Variants in FHIT observed in about 807,000 individuals in gnomAD.
The protein encoded by FHIT is bis(5'-adenosyl)-triphosphatase.
In FHIT, 19 loss-of-function variants were observed where a neutral mutation model predicts 17.9. The observed-to-expected ratio is 1.06, with a 90% CI of 0.74 to 1.56. The LOEUF (loss-of-function observed/expected upper bound fraction) is 1.56, where lower values mean the gene tolerates loss of function less well. Ranked by LOEUF, FHIT falls within the 40% of genes most tolerant of loss-of-function variation. The probability of loss-of-function intolerance (pLI) is 0.00; values close to 1 mark genes in which losing one functional copy is unlikely to be tolerated. For synonymous variants in FHIT, 81 were observed against 69.7 expected (o/e 1.16, Z -0.81); for missense variants, 248 against 189.2 (o/e 1.31, Z -1.82).
At chr3:60,860,567 G>A (rs1703704537) in intron 3 of FHIT, among the ~76,000 whole-genome samples, 1 of 67,920 alleles carries the variant, frequency 1.5e-5, no homozygotes, top group African/African-American at 6.1e-5. Flanking sequence ...CATATATCAG[G>A]TATATATGAT....
At chr3:60,465,708 GGATTT>G (rs2032750082) in intron 5 of FHIT, among the ~76,000 whole-genome samples, 1 of 152,000 alleles carries the variant, frequency 6.6e-6, no homozygotes, top group Non-Finnish European at 1.5e-5. Context: ...GTAGATGTAT[GGATTT>G]ATTTCTGGGT....
intron 5 of FHIT, among the ~76,000 whole-genome samples, chr3:60,140,576 T>A (rs887086152): frequency 8.9e-5 from 2 of 22,540 alleles, no homozygotes; most frequent in Non-Finnish European, 1.4e-4. Context: ...ACAGACTCTA[T>A]TTTTTTTTTT....
At chr3:60,773,817 G>A (rs1206948175) in intron 4 of FHIT, among the ~76,000 whole-genome samples, 1 of 152,230 alleles carries the variant, frequency 6.6e-6, no homozygotes, top group Non-Finnish European at 1.5e-5. Context: ...TTTAATTCAT[G>A]CCAAACAATA....
intron 3 of FHIT, among the ~76,000 whole-genome samples, chr3:60,874,155 C>G (rs80203927): frequency 6.6e-6 from 1 of 152,018 alleles, no homozygotes. Context: ...CTAGACAAGG[C>G]TAATGGTAAT....
chr3:59,799,037 C>G (rs949036849), intron 8 of FHIT, among the ~76,000 whole-genome samples: 1 of 152,214 alleles, frequency 6.6e-6, no homozygotes, highest in East Asian at 1.9e-4. Flanking sequence ...AGGGAAGCTG[C>G]ACTTCTCCAC....
intron 5 of FHIT, among the ~76,000 whole-genome samples, chr3:60,336,854 T>C (rs1710264255): frequency 6.6e-6 from 1 of 150,882 alleles, no homozygotes; most frequent in Non-Finnish European, 1.5e-5. Flanking sequence ...ACTAAGACTA[T>C]TTAAAAAAAC....
At chr3:60,155,556 G>C (rs182407821) in intron 5 of FHIT, among the ~76,000 whole-genome samples, 95 of 152,252 alleles carry the variant, frequency 6.2e-4, no homozygotes, top group African/African-American at 2.0e-3. Context: ...GGCCTGGTTG[G>C]GTGGTCAATT....
At chr3:60,300,323 A>G (rs1446324296) in intron 5 of FHIT, among the ~76,000 whole-genome samples, 2 of 152,000 alleles carry the variant, frequency 1.3e-5, no homozygotes, top group African/African-American at 4.8e-5. Context: ...AAGAGAAATT[A>G]AGACCAAAAA....
chr3:60,843,027 A>T (rs1702793643), intron 3 of FHIT, among the ~76,000 whole-genome samples: 1 of 152,172 alleles, frequency 6.6e-6, no homozygotes, highest in Non-Finnish European at 1.5e-5. Context: ...ATTTATTTGC[A>T]TCTGAGTGTC....
At chr3:60,053,905 G>A (rs778325131) in intron 5 of FHIT, among the ~76,000 whole-genome samples, 2 of 152,098 alleles carry the variant, frequency 1.3e-5, no homozygotes, top group African/African-American at 4.8e-5. Context: ...AGACATATGC[G>A]AATTCTTTCA....
chr3:60,677,571 A>C (rs183288038), intron 4 of FHIT, among the ~76,000 whole-genome samples: 1 of 152,256 alleles, frequency 6.6e-6, no homozygotes, highest in Admixed American at 6.5e-5. Context: ...CTGTATGTAT[A>C]TATGTGTATA....
At chr3:59,974,558 A>C (rs533449334) in intron 7 of FHIT, among the ~76,000 whole-genome samples, 1 of 152,276 alleles carries the variant, frequency 6.6e-6, no homozygotes, top group African/African-American at 2.4e-5. Context: ...CTTGTGCTTA[A>C]TACTGTGACA....
chr3:61,234,933 C>G (rs1560100830), intron 1 of FHIT, among the ~76,000 whole-genome samples: 1 of 152,250 alleles, frequency 6.6e-6, no homozygotes, highest in Middle Eastern at 3.4e-3. Flanking sequence ...TGTATAAATG[C>G]AGTACATTTT....
At chr3:61,205,704 G>C (rs548601231) in intron 1 of FHIT, among the ~76,000 whole-genome samples, 4 of 152,192 alleles carry the variant, frequency 2.6e-5, no homozygotes, top group African/African-American at 9.7e-5. Context: ...GTTCATTGTA[G>C]ATTCGGGATA....
At position 60,436,127 on chromosome 3, in the gene FHIT, A is replaced by G. The variant is rs544765736; in HGVS notation, c.103+100733T>C. Among the ~76,000 whole-genome samples, 4 of 152,118 alleles carry G rather than the reference A, an allele frequency of 2.6e-5. 1 individual carries two copies. The South Asian group carries it at 8.3e-4, about 32-fold the overall frequency. On this transcript the variant is annotated intron_variant, in intron 5 of 9. Transcript: ENST00000492590. ...GCACGATCTTGGCTCAGCTCACTGC[A>G]ACCTCTGCCTCCTGGGCTCAAGCAA...
intron 3 of FHIT, among the ~76,000 whole-genome samples, chr3:60,953,034 A>T (rs1708957294): frequency 6.6e-6 from 1 of 152,200 alleles, no homozygotes. Context: ...AGAAAACCCT[A>T]AAAGAGTGTA....
chr3:60,744,976 A>G (rs561489249), intron 4 of FHIT, among the ~76,000 whole-genome samples: 2 of 152,268 alleles, frequency 1.3e-5, no homozygotes, highest in South Asian at 2.1e-4. Flanking sequence ...GGCTGGGTGC[A>G]GTGGCTCACA....
intron 5 of FHIT, among the ~76,000 whole-genome samples, chr3:60,511,289 A>G (rs1433285499): frequency 6.6e-6 from 1 of 152,120 alleles, no homozygotes; most frequent in East Asian, 1.9e-4. Context: ...TATAATTACC[A>G]CCATTATGCC....
At chr3:60,253,323 T>C (rs573705410) in intron 5 of FHIT, among the ~76,000 whole-genome samples, 3 of 152,216 alleles carry the variant, frequency 2.0e-5, no homozygotes, top group Non-Finnish European at 2.9e-5. Flanking sequence ...AATATATGGA[T>C]GGAAAGTATT....
Sources: gnomAD v4.1 joint callset for allele counts (sites outside exome capture counted in the v4.1 genomes callset) on GRCh38, gnomAD v4.1.1 for gene constraint, MANE v1.5 for transcripts, NCBI Gene and HGNC (gene_info 2026-07-23, HGNC 2026-07-21) for gene names.